NRDE2: variants seen among roughly 807,000 people sequenced by gnomAD.
NRDE2 encodes nuclear exosome regulator NRDE2.
In NRDE2, 76 loss-of-function variants were observed where a neutral mutation model predicts 124.2. That is an observed-to-expected ratio of 0.61 (90% CI 0.51 to 0.74). The LOEUF (loss-of-function observed/expected upper bound fraction) is 0.74, where lower values mean the gene tolerates loss of function less well. Among genes scored for constraint, NRDE2 ranks in the 30% least tolerant of loss-of-function variants. The pLI, the probability that NRDE2 is intolerant of heterozygous loss-of-function variation, is 0.00. For synonymous variants in NRDE2, 489 were observed against 528.1 expected (o/e 0.93, Z 1.01); for missense variants, 1,314 against 1,417.3 (o/e 0.93, Z 1.17).
chr14:90,289,417 CACA>C (rs1461750539), intron 10 of NRDE2, among the ~76,000 whole-genome samples: 2 of 152,132 alleles, frequency 1.3e-5, no homozygotes, highest in African/African-American at 2.4e-5. Context: ...GAGATGTGGC[CACA>C]ACATTTCAAC....
Position 90,270,112 on chromosome 14 carries a change from T to C in NRDE2, c.*8224A>G. ...AATTCTGTCCGACTGAAACTTCGTA[T>C]GTAAGGAGATGGGCTGAGGCCTCTG... On this transcript the variant is annotated 3_prime_UTR_variant, in exon 14 of 14. Coordinates refer to ENST00000354366, the MANE Select transcript of NRDE2 (RefSeq NM_017970.4). 2.1e-6 allele frequency: 3 copies of C among 1,399,372 alleles called. No individual in the cohort carries two copies. Among genetic ancestry groups the C allele is most frequent in the Non-Finnish European group, 2.9e-6 (3 of 1,025,986 alleles). 86.7% of individuals were successfully genotyped at this position (1,399,372 alleles called of 1,614,324 possible).
chr14:90,286,393 G>A lies in NRDE2; in HGVS notation c.3258C>T (p.Ser1086=), dbSNP rs1377343054. 6.2e-7 allele frequency: 1 copy of A among 1,614,012 alleles called. No homozygotes were observed. Among genetic ancestry groups the A allele is most frequent in the East Asian group, 2.2e-5 (1 of 44,864 alleles). ...ACATCCTCCACAGCAAGGGGCACTG[G>A]CTGCCACTGTCGCTGCGCATGGCAT... The part of the protein sequence containing the change: ...FENAMRSDSG[S]QCPLLWRMYL... Residue 1086 remains serine, a synonymous_variant, in exon 12 of 14, where the codon AGC becomes AGT. Coordinates refer to ENST00000354366, the MANE Select transcript of NRDE2 (RefSeq NM_017970.4).
At chr14:90,328,294 A>G (rs1323471608) in intron 1 of NRDE2, among the ~76,000 whole-genome samples, 128 of 135,092 alleles carry the variant, frequency 9.5e-4, no homozygotes, top group African/African-American at 3.6e-3. Context: ...CGACAGCTAG[A>G]CTCTGTCTCC....
rs1312283758 is a variant in NRDE2 at position 90,290,149 on chromosome 14, T to G, written c.2229+72A>C. On this transcript the variant is annotated intron_variant, in intron 10 of 13. Coordinates refer to ENST00000354366, the MANE Select transcript of NRDE2 (RefSeq NM_017970.4). ...AGTTCCAGGGAGAGCACTCGGAGGC[T>G]TACAATCCCGTTTATAAACACTGAC... 3.4e-5 allele frequency: 51 copies of G among 1,520,808 alleles called. No individual in the cohort carries two copies. In the Admixed American group the frequency reaches 9.5e-4, roughly 28 times the overall value. The allele number at this position is 1,520,808 out of a possible 1,614,324, so 94.2% of individuals were successfully genotyped here.
At chr14:90,315,957 C>CAAAAAAA (rs59604203) in intron 3 of NRDE2, among the ~76,000 whole-genome samples, 35 of 74,376 alleles carry the variant, frequency 4.7e-4, no homozygotes, top group South Asian at 9.6e-4. Context: ...AACCCCGTCT[C>CAAAAAAA]AAAAAAAAAA....
At chr14:90,298,614 A>G (rs779192143) in intron 7 of NRDE2, among the ~76,000 whole-genome samples, 25 of 152,132 alleles carry the variant, frequency 1.6e-4, no homozygotes, top group Non-Finnish European at 2.8e-4. Context: ...TGTGGTTTTC[A>G]CACTCGCATG....
Position 90,268,023 on chromosome 14 carries a change from C to T in NRDE2, c.*10313G>A, listed in dbSNP as rs1382603926. On this transcript the variant is annotated 3_prime_UTR_variant, in exon 14 of 14. Transcript: ENST00000354366. ...TTCAGCAAAATAGCTAAGGATAATC[C>T]AAACATGTTAGTAGATTTTTCTAAA... The T allele has an allele frequency of 4.1e-6, 2 of 488,434 alleles. No homozygotes were observed. Among genetic ancestry groups the T allele is most frequent in the South Asian group, 3.7e-5 (1 of 27,182 alleles). 30.3% of individuals were successfully genotyped at this position (488,434 alleles called of 1,614,324 possible). A position where few individuals can be genotyped will look rare whatever the true frequency, so the allele number is the denominator to read the frequency against.
chr14:90,327,289 C>A (rs1337718981), intron 1 of NRDE2, among the ~76,000 whole-genome samples: 1 of 152,222 alleles, frequency 6.6e-6, no homozygotes, highest in African/African-American at 2.4e-5. Flanking sequence ...ATGGCTCATG[C>A]CTGTAATCCC....
chr14:90,295,105 A>G (rs1033316364), intron 8 of NRDE2, among the ~76,000 whole-genome samples: 1 of 152,114 alleles, frequency 6.6e-6, no homozygotes, highest in African/African-American at 2.4e-5. Context: ...GTGCATGTAA[A>G]ATGGTGAAAT....
intron 8 of NRDE2, 84 bp downstream of exon 8, chr14:90,298,176 C>A: frequency 1.4e-6 from 2 of 1,422,488 alleles, no homozygotes; most frequent in South Asian, 1.2e-5. Flanking sequence ...TGATAAATAG[C>A]TTAAGCAGAT....
In NRDE2 at chr14:90,275,118, T is replaced by C. The variant is rs1692443876; in HGVS notation, c.*3218A>G. Reference sequence around the variant, plus strand: ...CCAGGCAAACACAAACTGAGGAACATTCTACAAATTCAGAACACTTCAAAA... The same window carrying C: ...CCAGGCAAACACAAACTGAGGAACACTCTACAAATTCAGAACACTTCAAAA... On this transcript the variant is annotated 3_prime_UTR_variant, in exon 14 of 14. Transcript: ENST00000354366. The C allele has an allele frequency of 6.6e-6, 1 of 152,170 alleles. No homozygotes were observed. The highest frequency in any genetic ancestry group is 2.4e-5 in the African/African-American group (1 of 41,428). The allele number at this position is 152,170 out of a possible 1,614,324, so 9.4% of individuals were successfully genotyped here.
chr14:90,273,897 C>T lies in NRDE2; in HGVS notation c.*4439G>A, dbSNP rs1018939008. On this transcript the variant is annotated 3_prime_UTR_variant, in exon 14 of 14. Transcript: ENST00000354366. Reference sequence around the variant, plus strand: ...TCCCACCGACCCTTCTTTCTGCCTGCCTTTTCTATTCTTATGGATCCTTGT... The same window carrying T: ...TCCCACCGACCCTTCTTTCTGCCTGTCTTTTCTATTCTTATGGATCCTTGT... 1 of 154,936 alleles carries T rather than the reference C, an allele frequency of 6.5e-6. No individual in the cohort carries two copies. Among genetic ancestry groups the T allele is most frequent in the African/African-American group, 2.4e-5 (1 of 41,516 alleles). The allele number at this position is 154,936 out of a possible 1,614,324, so 9.6% of individuals were successfully genotyped here.
At chr14:90,308,810 T>A (rs942664305) in intron 4 of NRDE2, among the ~76,000 whole-genome samples, 3 of 152,064 alleles carry the variant, frequency 2.0e-5, no homozygotes, top group African/African-American at 7.2e-5. Context: ...CATGCACAGA[T>A]GAATCAAGCG....
intron 12 of NRDE2, among the ~76,000 whole-genome samples, chr14:90,283,597 C>G (rs1360733345): frequency 6.6e-6 from 1 of 152,178 alleles, no homozygotes; most frequent in East Asian, 1.9e-4. Flanking sequence ...TCTCTACTAA[C>G]AGCAGCATCC....
In NRDE2 at chr14:90,290,276, G is replaced by A. The variant is rs922228851; in HGVS notation, c.2174C>T (p.Ser725Leu). The change falls in exon 10 of 14, where the codon TCA (serine) becomes TTA (leucine). Residue 725 changes from serine to leucine, a missense_variant. Ser to Leu is a moderately radical substitution (Grantham distance 145). Transcript: ENST00000354366. ...NVFHLVMPLF[S>L]GKEKSQLCFS... ...GCAGAGCTGGGACTTCTCTTTGCCTGAAAATAAAGGCATGACAAGGTGGAA... is the reference window on the plus strand; with the variant it reads ...GCAGAGCTGGGACTTCTCTTTGCCTAAAAATAAAGGCATGACAAGGTGGAA... 5.6e-6 allele frequency: 9 copies of A among 1,613,924 alleles called. No individual in the cohort carries two copies. The African/African-American group carries it at 8.0e-5, about 14-fold the overall frequency.
chr14:90,301,941 AAATGCTTAT>A, intron 6 of NRDE2: 1 of 402,836 alleles, frequency 2.5e-6, no homozygotes, highest in Non-Finnish European at 4.9e-6. Context: ...TCAGTGTGAT[AAATGCTTAT>A]ATTTTGAGAG....
chr14:90,326,090 C>G (rs952388791), intron 1 of NRDE2, among the ~76,000 whole-genome samples: 2 of 152,204 alleles, frequency 1.3e-5, no homozygotes, highest in Non-Finnish European at 1.5e-5. Context: ...AAGCATGTGA[C>G]AGCCACACGA....
In NRDE2 at chr14:90,303,076, T is replaced by G; in HGVS notation, c.1055A>C (p.Gln352Pro). The change falls in exon 6 of 14, where the codon CAG becomes CCG. Residue 352 changes from glutamine to proline, a missense_variant. Gln to Pro is a moderately conservative substitution (Grantham distance 76, BLOSUM62 -1). Coordinates refer to ENST00000354366, the MANE Select transcript of NRDE2 (RefSeq NM_017970.4). Reference sequence around the variant, plus strand: ...CTTCAGGGACCTCTTTCGCTTTTCCTGCTCTCCTTCCTCGATGGCATACAG... The same window carrying G: ...CTTCAGGGACCTCTTTCGCTTTTCCGGCTCTCCTTCCTCGATGGCATACAG... ...PGLYAIEEGE[Q>P]EKRKRSLKLI... The G allele has an allele frequency of 6.2e-7, 1 of 1,614,034 alleles. No homozygotes were observed. The highest frequency in any genetic ancestry group is 8.5e-7 in the Non-Finnish European group (1 of 1,180,030).
At chr14:90,325,360 G>A (rs79684894) in intron 1 of NRDE2, among the ~76,000 whole-genome samples, 4,338 of 151,952 alleles carry the variant, frequency 0.029, 81 homozygotes, top group Non-Finnish European at 0.045. Flanking sequence ...ACAATCTGAG[G>A]GTAGGAAGAA....
Sources: allele counts gnomAD v4.1 joint callset (sites outside exome capture counted in the v4.1 genomes callset), GRCh38; gene constraint gnomAD v4.1.1; transcripts MANE v1.5; gene names NCBI Gene and HGNC (gene_info 2026-07-23, HGNC 2026-07-21).